ATAD5: variants seen among roughly 807,000 people sequenced by gnomAD.
The protein encoded by ATAD5 is ATPase family AAA domain containing 5, also known as ATPase family AAA domain-containing protein 5.
ATAD5 carries 58 observed loss-of-function variants against 176.9 expected under a neutral mutation model. The observed-to-expected ratio is 0.33, with a 90% CI of 0.27 to 0.41. The LOEUF (loss-of-function observed/expected upper bound fraction) is 0.41. ATAD5 is among the 10% of genes least tolerant of loss of function. The pLI is 1.00. For missense variants in ATAD5, 1,789 were observed against 2,094.1 expected, an observed-to-expected ratio of 0.85 and a Z score of 2.84; for synonymous variants, 640 against 712.6, an observed-to-expected ratio of 0.90 and a Z score of 1.62.
chr17:30,835,992 C>T lies in ATAD5; in HGVS notation c.1911C>T (p.His637=), dbSNP rs780125925. The change falls in exon 2 of 23, where the codon CAC becomes CAT. Residue 637 remains histidine, a synonymous_variant. Transcript: ENST00000321990. ...AAGCAGCCAACTTATCGGAAAAGCA[C>T]AGCTTATATACAGCAGAATTAATAA... The part of the protein sequence containing the change: ...TQKAANLSEK[H]SLYTAELITV... 1.9e-6 allele frequency: 3 copies of T among 1,613,872 alleles called. No individual in the cohort carries two copies. The highest frequency in any genetic ancestry group is 2.5e-6 in the Non-Finnish European group (3 of 1,179,942).
intron 14 of ATAD5, among the ~76,000 whole-genome samples, chr17:30,875,435 CTCT>C (rs1450962588): frequency 6.6e-6 from 1 of 152,056 alleles, no homozygotes; most frequent in African/African-American, 2.4e-5. Context: ...TCCCTCCACC[CTCT>C]TCTTTCTTTA....
intron 4 of ATAD5, among the ~76,000 whole-genome samples, chr17:30,842,495 T>A (rs2142320751): frequency 6.6e-6 from 1 of 152,250 alleles, no homozygotes. Flanking sequence ...GATGTAACAT[T>A]TGATGCCAAT....
intron 10 of ATAD5, among the ~76,000 whole-genome samples, chr17:30,863,181 C>T (rs1184570958): frequency 1.3e-5 from 2 of 152,074 alleles, no homozygotes; most frequent in Non-Finnish European, 1.5e-5. Flanking sequence ...GAGCAAGACC[C>T]TGTCTCAAGA....
At position 30,893,278 on chromosome 17, in the gene ATAD5, C is replaced by A; in HGVS notation, c.4441-16C>A. On this transcript the variant is annotated splice_polypyrimidine_tract_variant and intron_variant, in intron 20 of 22. Transcript: ENST00000321990. ...TGTACTGCTGTAACATTTCTTTACTCAAAATTGTTTTTCAGCACAAAATCA... is the reference window on the plus strand; with the variant it reads ...TGTACTGCTGTAACATTTCTTTACTAAAAATTGTTTTTCAGCACAAAATCA... The A allele has an allele frequency of 6.5e-7, 1 of 1,548,600 alleles. No homozygotes were observed. Among genetic ancestry groups the A allele is most frequent in the South Asian group, 1.3e-5 (1 of 78,134 alleles).
At chr17:30,839,286 C>CTT (rs1203913975) in intron 3 of ATAD5, among the ~76,000 whole-genome samples, 1 of 146,146 alleles carries the variant, frequency 6.8e-6, no homozygotes, top group Non-Finnish European at 1.5e-5. Flanking sequence ...ATAGATATAT[C>CTT]TTTTTTTTTT....
chr17:30,839,965 A>G (rs966920334), intron 3 of ATAD5, among the ~76,000 whole-genome samples: 33 of 151,866 alleles, frequency 2.2e-4, no homozygotes, highest in Non-Finnish European at 7.4e-5. Flanking sequence ...TTGGGAGGCT[A>G]AGGCAGGCAG....
chr17:30,892,346 A>T (rs1461429077), intron 19 of ATAD5, among the ~76,000 whole-genome samples: 2 of 151,336 alleles, frequency 1.3e-5, no homozygotes, highest in African/African-American at 4.9e-5. Context: ...AATCGCTTGA[A>T]CCCAGGAGGT....
chr17:30,871,159 CTGTAGTATCTAGTA>C (rs1186838470), intron 14 of ATAD5, among the ~76,000 whole-genome samples: 1 of 147,722 alleles, frequency 6.8e-6, no homozygotes, highest in African/African-American at 2.5e-5. Context: ...CACATCTTTT[CTGTAGTATCTAGTA>C]TGCTGTCACT....
intron 14 of ATAD5, 180 bp downstream of exon 14, chr17:30,869,826 C>T (rs1360162935): frequency 1.6e-6 from 1 of 621,994 alleles, no homozygotes; most frequent in African/African-American, 1.9e-5. Context: ...TTCACCCATA[C>T]CTTCTTCAAT....
At position 30,894,598 on chromosome 17, in the gene ATAD5, G is replaced by A. The variant is rs756897479; in HGVS notation, c.5332G>A (p.Val1778Ile). The A allele has an allele frequency of 8.7e-6, 14 of 1,612,188 alleles. No homozygotes were observed. The South Asian group carries it at 1.5e-4, about 18-fold the overall frequency. ...GAAGAGGATATCAGTCATTAAAAGT[G>A]TATTTTCGAGTCGATCTCTTCTCTA... ...AWKRISVIKS[V>I]FSSRSLLYVG... The change falls in exon 22 of 23, where the codon GTA (valine) becomes ATA (isoleucine). Residue 1778 changes from valine (V) to isoleucine (I), a missense_variant. Physicochemically the swap from Val to Ile is conservative, Grantham distance 29. Transcript: ENST00000321990.
chr17:30,834,646 A>G lies in ATAD5; in HGVS notation c.565A>G (p.Lys189Glu). ...PNTMTSLQNS[K>E]KVNPKQGTTK... ...TACTATGACCTCCCTGCAAAATTCTAAAAAAGTAAATCCTAAACAAGGGAC... is the reference window on the plus strand; with the variant it reads ...TACTATGACCTCCCTGCAAAATTCTGAAAAAGTAAATCCTAAACAAGGGAC... The change falls in exon 2 of 23, where the codon AAA becomes GAA. Residue 189 changes from lysine (K) to glutamate (E), a missense_variant. Physicochemically the swap from Lys to Glu is moderately conservative, Grantham distance 56. Transcript: ENST00000321990. 2 of 1,609,654 alleles carry G rather than the reference A, an allele frequency of 1.2e-6. No homozygotes were observed. The highest frequency in any genetic ancestry group is 1.1e-5 in the South Asian group (1 of 89,492).
chr17:30,837,279 G>A lies in ATAD5; in HGVS notation c.2041G>A (p.Ala681Thr). The A allele has an allele frequency of 2.5e-6, 4 of 1,582,388 alleles. No homozygotes were observed. Among genetic ancestry groups the A allele is most frequent in the South Asian group, 1.2e-5 (1 of 83,422 alleles). ...KSNKRSEKSE[A>T]TDGGFTSQIR... ...TAACAAAAGATCTGAGAAATCTGAAGCAACTGATGGAGGTTTTACTTCTCA... is the reference window on the plus strand; with the variant it reads ...TAACAAAAGATCTGAGAAATCTGAAACAACTGATGGAGGTTTTACTTCTCA... Residue 681 changes from alanine to threonine, a missense_variant, in exon 3 of 23, where the codon GCA (alanine) becomes ACA (threonine). Physicochemically the swap from Ala to Thr is moderately conservative, Grantham distance 58 (BLOSUM62 0). Around this residue, in one of 6 missense-constraint regions of ATAD5, gnomAD observed 487 missense variants for 573.6 expected, o/e 0.85. Transcript: ENST00000321990.
intron 19 of ATAD5, among the ~76,000 whole-genome samples, chr17:30,889,116 A>T (rs1233248294): frequency 1.3e-5 from 2 of 150,414 alleles, no homozygotes; most frequent in Admixed American, 1.3e-4. Context: ...AAACACAAAA[A>T]ACCTCCCACC....
Position 30,835,987 on chromosome 17 carries a change from A to C in ATAD5, c.1906A>C (p.Lys636Gln). Residue 636 changes from lysine (K) to glutamine (Q), a missense_variant, in exon 2 of 23, where the codon AAG becomes CAG. This residue lies in a region of ATAD5 where 487 missense variants were observed against 573.6 expected (regional missense o/e 0.85). Coordinates refer to ENST00000321990, the MANE Select transcript of ATAD5 (RefSeq NM_024857.5). The stretch of plus-strand genomic sequence containing the variant: ...TCAAAAAGCAGCCAACTTATCGGAA[A>C]AGCACAGCTTATATACAGCAGAATT... ...STQKAANLSE[K>Q]HSLYTAELIT... 6.2e-7 allele frequency: 1 copy of C among 1,614,042 alleles called. No individual in the cohort carries two copies. The highest frequency in any genetic ancestry group is 8.5e-7 in the Non-Finnish European group (1 of 1,179,990).
chr17:30,872,086 G>T (rs184518228), intron 14 of ATAD5, among the ~76,000 whole-genome samples: 45 of 152,130 alleles, frequency 3.0e-4, no homozygotes, highest in Non-Finnish European at 5.7e-4. Context: ...CTAATTAAAA[G>T]AAATTTTTTT....
At chr17:30,886,911 G>C (rs537713386) in intron 18 of ATAD5, among the ~76,000 whole-genome samples, 1 of 152,008 alleles carries the variant, frequency 6.6e-6, no homozygotes, top group Non-Finnish European at 1.5e-5. Context: ...GTTTTATCAA[G>C]GTTTATAAAA....
intron 19 of ATAD5, among the ~76,000 whole-genome samples, chr17:30,891,789 T>C (rs1295181666): frequency 6.6e-6 from 1 of 152,000 alleles, no homozygotes; most frequent in Admixed American, 6.6e-5. Flanking sequence ...AGGTTCAAGC[T>C]ATTCTCCTGC....
intron 4 of ATAD5, among the ~76,000 whole-genome samples, chr17:30,842,306 AAAAT>A (rs1906174654): frequency 6.6e-6 from 1 of 151,942 alleles, no homozygotes; most frequent in Admixed American, 6.6e-5. Flanking sequence ...AATAATAAAT[AAAAT>A]AAAATAGTGA....
intron 10 of ATAD5, among the ~76,000 whole-genome samples, chr17:30,861,046 A>G (rs1198573565): frequency 6.6e-6 from 1 of 151,110 alleles, no homozygotes; most frequent in Non-Finnish European, 1.5e-5. Context: ...CGCATTATTC[A>G]CCCACCTCGG....
Sources: gnomAD v4.1 joint callset for allele counts (sites outside exome capture counted in the v4.1 genomes callset) on GRCh38, gnomAD v4.1.1 for gene constraint, gnomAD v4.1.1 regional missense constraint, MANE v1.5 for transcripts, NCBI Gene and HGNC (gene_info 2026-07-23, HGNC 2026-07-21) for gene names.